Variants in SAMSN1 observed in about 807,000 individuals in gnomAD.
SAMSN1 encodes the protein SAM domain-containing protein SAMSN-1.
Under a neutral mutation model 42.0 loss-of-function variants are expected in SAMSN1, and 31 were observed. The ratio of observed to expected loss-of-function variants is 0.74; its 90% CI spans 0.55 to 1.00. The LOEUF is 1.00. Ranked by LOEUF, SAMSN1 falls within the 50% of genes least tolerant of loss-of-function variation. The pLI is 0.00. For missense variants in SAMSN1, 464 were observed against 439.4 expected (o/e 1.06, Z -0.50); for synonymous variants, 178 against 151.9 (o/e 1.17, Z -1.26).
chr21:14,576,545 C>T (rs879362582), intron 2 of SAMSN1, among the ~76,000 whole-genome samples: 1 of 152,198 alleles, frequency 6.6e-6, no homozygotes, highest in Non-Finnish European at 1.5e-5. Flanking sequence ...GCATCCACTG[C>T]TGCACGTTTG....
intron 3 of SAMSN1, among the ~76,000 whole-genome samples, chr21:14,614,892 T>C (rs1982797280): frequency 1.3e-5 from 2 of 152,214 alleles, no homozygotes; most frequent in Admixed American, 1.3e-4. Flanking sequence ...GAGGCCCACC[T>C]TAACTGATCT....
intron 2 of SAMSN1, among the ~76,000 whole-genome samples, chr21:14,619,996 T>C (rs538524765): frequency 6.6e-6 from 1 of 152,042 alleles, no homozygotes; most frequent in South Asian, 2.1e-4. Flanking sequence ...AGAGTGATCT[T>C]CTTAGATTTT....
intron 2 of SAMSN1, among the ~76,000 whole-genome samples, chr21:14,616,829 C>G (rs1489860719): frequency 2.0e-5 from 3 of 152,018 alleles, no homozygotes; most frequent in Non-Finnish European, 4.4e-5. Context: ...AATGCTAAGG[C>G]TAAAAGGAAA....
At chr21:14,488,155 T>C (rs1986521005) in intron 7 of SAMSN1, among the ~76,000 whole-genome samples, 1 of 152,174 alleles carries the variant, frequency 6.6e-6, no homozygotes, top group Non-Finnish European at 1.5e-5. Flanking sequence ...GCCAGAGGAA[T>C]TAGTGCTTTT....
At chr21:14,605,942 C>T (rs1050722555) in intron 5 of SAMSN1, among the ~76,000 whole-genome samples, 6 of 151,820 alleles carry the variant, frequency 4.0e-5, no homozygotes, top group Admixed American at 1.3e-4. Flanking sequence ...CCCAGGTTCA[C>T]GCCATTCTCC....
chr21:14,607,454 C>T (rs564838740), intron 5 of SAMSN1, among the ~76,000 whole-genome samples: 11 of 152,328 alleles, frequency 7.2e-5, no homozygotes, highest in African/African-American at 2.4e-4. Flanking sequence ...TGGCCATCAA[C>T]TCTTCCTAGC....
At chr21:14,656,154 C>T (rs1226690390) in intron 1 of SAMSN1, among the ~76,000 whole-genome samples, 1 of 151,726 alleles carries the variant, frequency 6.6e-6, no homozygotes, top group Non-Finnish European at 1.5e-5. Context: ...GTGTAAAATT[C>T]AAGTTCATTT....
At chr21:14,514,373 C>T (rs545247628) in intron 3 of SAMSN1, among the ~76,000 whole-genome samples, 1 of 152,264 alleles carries the variant, frequency 6.6e-6, no homozygotes, top group Non-Finnish European at 1.5e-5. Flanking sequence ...ACTATGAAGA[C>T]ACTGAAATTT....
intron 5 of SAMSN1, among the ~76,000 whole-genome samples, chr21:14,604,318 A>T (rs12162546): frequency 0.42 from 63,565 of 151,994 alleles, 15,641 homozygotes; most frequent in Non-Finnish European, 0.54. Context: ...CAAGAAATGG[A>T]GTCTAATTCT....
intron 1 of SAMSN1, among the ~76,000 whole-genome samples, chr21:14,537,972 AT>A (rs1979740155): frequency 6.6e-6 from 1 of 152,220 alleles, no homozygotes; most frequent in Non-Finnish European, 1.5e-5. Flanking sequence ...CTTGAGATAC[AT>A]TTTAACATGT....
intron 7 of SAMSN1, chr21:14,593,795 CTTTCCTTCTTTGAAG>C: frequency 2.8e-6 from 1 of 351,388 alleles, no homozygotes; most frequent in Non-Finnish European, 5.1e-6. Context: ...ATATAACAAC[CTTTCCTTCTTTGAAG>C]GAAATGCTTT....
chr21:14,631,557 AG>A (rs1273182645), intron 2 of SAMSN1, among the ~76,000 whole-genome samples: 1 of 152,140 alleles, frequency 6.6e-6, no homozygotes. Context: ...TAATAGAGAC[AG>A]GGTTCACCAT....
At chr21:14,515,633 A>G (rs1987881005) in intron 3 of SAMSN1, among the ~76,000 whole-genome samples, 1 of 152,212 alleles carries the variant, frequency 6.6e-6, no homozygotes, top group Admixed American at 6.5e-5. Flanking sequence ...CCAAAAAAAG[A>G]TAATTGGACT....
exon 2 of SAMSN1, chr21:14,582,336 A>C: frequency 6.5e-7 from 1 of 1,550,176 alleles, no homozygotes; most frequent in Non-Finnish European, 8.7e-7. Context: ...TCCAAGTTGC[A>C]GTTATTTAAA....
At chr21:14,608,443 C>G (rs1982620505) in intron 5 of SAMSN1, among the ~76,000 whole-genome samples, 1 of 152,168 alleles carries the variant, frequency 6.6e-6, no homozygotes, top group African/African-American at 2.4e-5. Context: ...CTGACTAGCC[C>G]CTCCACAGTG....
At chr21:14,585,360 A>G (rs1215181705), upstream of SAMSN1, 1 of 152,190 alleles carries the variant, frequency 6.6e-6, no homozygotes. Flanking sequence ...TTCTTGTTAC[A>G]GCCAAAGCTT....
chr21:14,607,768 A>G (rs1982603826), intron 5 of SAMSN1, among the ~76,000 whole-genome samples: 1 of 152,238 alleles, frequency 6.6e-6, no homozygotes, highest in South Asian at 2.1e-4. Context: ...CATAAGAGAA[A>G]GGTAGTTTTA....
chr21:14,639,751 G>GT (rs34808562), intron 2 of SAMSN1, among the ~76,000 whole-genome samples: 2 of 151,778 alleles, frequency 1.3e-5, no homozygotes, highest in Admixed American at 6.6e-5. Flanking sequence ...TAATATGTTA[G>GT]TTTTTTTTTC....
chr21:14,539,270 A>G (rs1245426305), intron 1 of SAMSN1, among the ~76,000 whole-genome samples: 1 of 152,222 alleles, frequency 6.6e-6, no homozygotes. Context: ...CCTATTCAAC[A>G]TAGTGTTGGA....
Sources: allele counts gnomAD v4.1 joint callset (sites outside exome capture counted in the v4.1 genomes callset), GRCh38; gene constraint gnomAD v4.1.1; transcripts MANE v1.5; gene names NCBI Gene and HGNC (gene_info 2026-07-23, HGNC 2026-07-21).